Variants in KCNQ5 observed in about 807,000 individuals in gnomAD.
The protein encoded by KCNQ5 is potassium voltage-gated channel subfamily KQT member 5.
A neutral mutation model predicts 98.2 loss-of-function variants in KCNQ5; 30 were observed. The observed-to-expected ratio is 0.31, with a 90% CI of 0.23 to 0.41. KCNQ5 has a LOEUF of 0.41. Among genes scored for constraint, KCNQ5 ranks in the 10% least tolerant of loss-of-function variants. KCNQ5 has a pLI of 1.00. For missense variants in KCNQ5, 835 were observed against 1,182.5 expected (o/e 0.71, Z 4.31); for synonymous variants, 458 against 449.4 (o/e 1.02, Z -0.24).
intron 10 of KCNQ5, among the ~76,000 whole-genome samples, chr6:73,147,843 T>C (rs1018234838): frequency 6.6e-6 from 1 of 152,102 alleles, no homozygotes; most frequent in African/African-American, 2.4e-5. Flanking sequence ...ATTAAAATCG[T>C]TATTGCTGAA....
intron 1 of KCNQ5, among the ~76,000 whole-genome samples, chr6:72,757,266 G>A (rs908568071): frequency 6.6e-6 from 1 of 152,136 alleles, no homozygotes; most frequent in Non-Finnish European, 1.5e-5. Context: ...AATGCAGTTT[G>A]CCAGCTAAGG....
chr6:72,918,007 G>A (rs959766866), intron 1 of KCNQ5, among the ~76,000 whole-genome samples: 39 of 152,044 alleles, frequency 2.6e-4, no homozygotes, highest in African/African-American at 7.2e-4. Flanking sequence ...ATAGCACCCC[G>A]CACCCCTTAG....
At chr6:72,645,585 T>G (rs11964725) in intron 1 of KCNQ5, among the ~76,000 whole-genome samples, 242 of 152,182 alleles carry the variant, frequency 1.6e-3, no homozygotes, top group African/African-American at 5.6e-3. Flanking sequence ...TGAATTCCCG[T>G]TTTTAGTCTA....
At chr6:72,687,837 T>C (rs1233603175) in intron 1 of KCNQ5, among the ~76,000 whole-genome samples, 4 of 117,420 alleles carry the variant, frequency 3.4e-5, no homozygotes, top group African/African-American at 2.0e-4. Flanking sequence ...ATTGATCCCT[T>C]TTTTTTTTTT....
chr6:72,950,196 A>T (rs1462704475), intron 1 of KCNQ5, among the ~76,000 whole-genome samples: 4 of 152,324 alleles, frequency 2.6e-5, no homozygotes, highest in Admixed American at 6.5e-5. Context: ...GCTGCTTTTT[A>T]AAAAAATCTG....
intron 1 of KCNQ5, among the ~76,000 whole-genome samples, chr6:72,922,810 C>CTTTTTTTTTTTTTTTTT (rs369263359): frequency 5.8e-5 from 6 of 103,852 alleles, no homozygotes; most frequent in African/African-American, 1.1e-4. Context: ...TTTTCTTTTT[C>CTTTTTTTTTTTTTTTTT]TTTTTTTTTT....
intron 1 of KCNQ5, among the ~76,000 whole-genome samples, chr6:72,938,799 A>G (rs1420424140): frequency 1.3e-5 from 2 of 152,204 alleles, no homozygotes; most frequent in Non-Finnish European, 2.9e-5. Context: ...TCAAATGGGG[A>G]AAACTGACAT....
At chr6:73,138,651 T>C (rs1269654869) in intron 10 of KCNQ5, among the ~76,000 whole-genome samples, 4 of 152,250 alleles carry the variant, frequency 2.6e-5, no homozygotes. Context: ...CCATTCCTGC[T>C]GAGCAATCCT....
chr6:72,764,970 G>T (rs546480111), intron 1 of KCNQ5, among the ~76,000 whole-genome samples: 2 of 151,926 alleles, frequency 1.3e-5, no homozygotes, highest in African/African-American at 4.8e-5. Flanking sequence ...TTTTATGGCT[G>T]AATAATACTG....
At chr6:72,876,780 A>G (rs1019607185) in intron 1 of KCNQ5, among the ~76,000 whole-genome samples, 2 of 152,236 alleles carry the variant, frequency 1.3e-5, no homozygotes, top group Non-Finnish European at 2.9e-5. Context: ...CAAAATAACC[A>G]TCTCAAACTG....
intron 1 of KCNQ5, among the ~76,000 whole-genome samples, chr6:72,959,266 C>A (rs1018949338): frequency 6.6e-6 from 1 of 152,036 alleles, no homozygotes; most frequent in African/African-American, 2.4e-5. Context: ...CTGCCCAGGG[C>A]CTTTTGGGCT....
chr6:73,133,161 G>A (rs1472532265), intron 9 of KCNQ5, among the ~76,000 whole-genome samples: 1 of 151,854 alleles, frequency 6.6e-6, no homozygotes, highest in Non-Finnish European at 1.5e-5. Flanking sequence ...TGTACAAAAT[G>A]CTGTATGACC....
intron 8 of KCNQ5, 51 bp from the exon 9 acceptor site, chr6:73,124,435 A>G: frequency 2.5e-6 from 4 of 1,589,904 alleles, no homozygotes; most frequent in Non-Finnish European, 3.5e-6. Flanking sequence ...AGTGCTATAA[A>G]TATATTCACT....
intron 1 of KCNQ5, among the ~76,000 whole-genome samples, chr6:72,790,235 C>G (rs1196449128): frequency 6.6e-6 from 1 of 152,068 alleles, no homozygotes; most frequent in Non-Finnish European, 1.5e-5. Flanking sequence ...AATAAGCTCC[C>G]AAAGTAGTGA....
chr6:73,057,729 C>T (rs1486620554), intron 3 of KCNQ5, among the ~76,000 whole-genome samples: 2 of 151,682 alleles, frequency 1.3e-5, no homozygotes, highest in African/African-American at 4.8e-5. Flanking sequence ...CAGTTCTTCA[C>T]AGAATTAGAA....
Position 73,025,886 on chromosome 6 carries a change from G to A in KCNQ5, c.490-16050G>A, listed in dbSNP as rs1368054563. 3.9e-5 allele frequency among the ~76,000 whole-genome samples: 6 copies of A among 152,290 alleles called. No individual in the cohort carries two copies. The East Asian group carries it at 9.6e-4, about 24-fold the overall frequency. ...GCTGTGGGTTGGCACTTGGCAGTGA[G>A]CAGAATAGTATTCACTTGAAAGTTC... On this transcript the variant is annotated intron_variant, in intron 2 of 13. Coordinates refer to ENST00000370398, the MANE Select transcript of KCNQ5 (RefSeq NM_019842.4).
intron 1 of KCNQ5, among the ~76,000 whole-genome samples, chr6:72,881,112 T>C (rs1778621521): frequency 6.6e-6 from 1 of 152,234 alleles, no homozygotes; most frequent in African/African-American, 2.4e-5. Flanking sequence ...ATATTTTATA[T>C]TTGTATTGTA....
chr6:73,157,848 G>A, intron 10 of KCNQ5: 1 of 779,572 alleles, frequency 1.3e-6, no homozygotes. Context: ...CTAGCCTCAT[G>A]ATCTGTGGGT....
intron 1 of KCNQ5, among the ~76,000 whole-genome samples, chr6:72,714,290 T>C (rs950518305): frequency 6.6e-6 from 1 of 152,178 alleles, no homozygotes; most frequent in Non-Finnish European, 1.5e-5. Context: ...TACTTTATGC[T>C]CTCTAAAGCA....
Sources: allele counts gnomAD v4.1 joint callset (sites outside exome capture counted in the v4.1 genomes callset), GRCh38; gene constraint gnomAD v4.1.1; transcripts MANE v1.5; gene names NCBI Gene and HGNC (gene_info 2026-07-23, HGNC 2026-07-21).